The following CPAMD8 variants were observed in gnomAD, a reference collection of about 807,000 sequenced individuals.
CPAMD8 encodes C3 and PZP-like alpha-2-macroglobulin domain-containing protein 8.
CPAMD8 carries 146 observed loss-of-function variants against 224.7 expected under a neutral mutation model. That is an observed-to-expected ratio of 0.65 (90% CI 0.57 to 0.75). CPAMD8 has a LOEUF of 0.75. CPAMD8 is among the 30% of genes least tolerant of loss of function. The probability of loss-of-function intolerance (pLI) is 0.00; values close to 1 mark genes in which losing one functional copy is unlikely to be tolerated. For missense variants in CPAMD8, 2,301 were observed against 2,537.5 expected (o/e 0.91, Z 2.00); for synonymous variants, 966 against 1,044.6 (o/e 0.92, Z 1.45).
chr19:16,911,633 C>T (rs2052732079), intron 29 of CPAMD8, among the ~76,000 whole-genome samples: 2 of 152,174 alleles, frequency 1.3e-5, no homozygotes, highest in African/African-American at 4.8e-5. Context: ...GCAAGCTCTG[C>T]CTCCCAGGTT....
chr19:17,023,987 T>C (rs2057019641), intron 1 of CPAMD8, among the ~76,000 whole-genome samples: 1 of 152,162 alleles, frequency 6.6e-6, no homozygotes, highest in South Asian at 2.1e-4. Context: ...GTAACAGATC[T>C]AAATTGAAGA....
At chr19:16,983,123 C>T (rs568781436) in intron 13 of CPAMD8, among the ~76,000 whole-genome samples, 1 of 152,282 alleles carries the variant, frequency 6.6e-6, no homozygotes, top group East Asian at 1.9e-4. Flanking sequence ...CTTTTTCTGG[C>T]TGGGCATGGT....
At chr19:16,995,511 G>A (rs193231404) in intron 11 of CPAMD8, among the ~76,000 whole-genome samples, 114 of 152,158 alleles carry the variant, frequency 7.5e-4, no homozygotes, top group African/African-American at 2.6e-3. Context: ...AGCAATTATC[G>A]TGCCTCAGCC....
At chr19:16,914,278 T>G in intron 29 of CPAMD8, 146 bp downstream of exon 29, 3 of 644,184 alleles carry the variant, frequency 4.7e-6, no homozygotes, top group Admixed American at 2.6e-5. Flanking sequence ...AATGTGACCA[T>G]TGTTGATGAA....
rs1422043446 is a variant in CPAMD8, at chr19:16,901,198, G to A, written c.4773+12C>T. On this transcript the variant is annotated intron_variant, in intron 36 of 41. Coordinates refer to ENST00000443236, the MANE Select transcript of CPAMD8 (RefSeq NM_015692.5). ...GATCCCTGCCCACCGCTGCTCACCGGCGCTGCCTCACCTGCTCCAGGCTCT... is the reference window on the plus strand; with the variant it reads ...GATCCCTGCCCACCGCTGCTCACCGACGCTGCCTCACCTGCTCCAGGCTCT... The A allele has an allele frequency of 6.3e-7, 1 of 1,593,312 alleles. No homozygotes were observed. Among genetic ancestry groups the A allele is most frequent in the Admixed American group, 1.8e-5 (1 of 57,032 alleles).
At chr19:16,913,905 C>T (rs1190149961) in intron 29 of CPAMD8, among the ~76,000 whole-genome samples, 2 of 152,134 alleles carry the variant, frequency 1.3e-5, no homozygotes, top group African/African-American at 4.8e-5. Context: ...GAAGCCTTCT[C>T]TGCAGAGACT....
rs373265430 is a variant in CPAMD8, at chr19:16,947,138, G to A, written c.2598C>T (p.Pro866=). 5.3e-5 allele frequency: 86 copies of A among 1,612,916 alleles called. No individual in the cohort carries two copies. Among genetic ancestry groups the A allele is most frequent in the Non-Finnish European group, 6.4e-5 (76 of 1,179,456 alleles). ...CGACCCAGATGGGCTCAGCCTCCCCGGGGGCCACACACATCTTCTTGGTCA... is the reference window on the plus strand; with the variant it reads ...CGACCCAGATGGGCTCAGCCTCCCCAGGGGCCACACACATCTTCTTGGTCA... ...RHVTKKMCVA[P]GEAEPIWVVL... Residue 866 remains proline, a synonymous_variant, in exon 21 of 42, where the codon CCC becomes CCT. Coordinates refer to ENST00000443236, the MANE Select transcript of CPAMD8 (RefSeq NM_015692.5).
chr19:16,946,974 C>T (rs1409559803), intron 21 of CPAMD8, 100 bp downstream of exon 21: 16 of 1,281,612 alleles, frequency 1.2e-5, no homozygotes, highest in Admixed American at 2.3e-5. Context: ...CCTGACCTTA[C>T]CTGCTGCCCC....
intron 20 of CPAMD8, among the ~76,000 whole-genome samples, chr19:16,950,022 G>C (rs1439535369): frequency 1.3e-5 from 2 of 152,198 alleles, no homozygotes; most frequent in Non-Finnish European, 2.9e-5. Flanking sequence ...AGGTGGCCAG[G>C]CGTGGTGGCT....
At chr19:16,955,005 G>A (rs369238127) in intron 19 of CPAMD8, among the ~76,000 whole-genome samples, 7 of 152,228 alleles carry the variant, frequency 4.6e-5, no homozygotes, top group African/African-American at 1.7e-4. Flanking sequence ...GTGGGCGGCT[G>A]TGGTCCCAGC....
intron 21 of CPAMD8, among the ~76,000 whole-genome samples, chr19:16,946,065 G>C (rs1221212693): frequency 1.3e-5 from 2 of 151,974 alleles, no homozygotes; most frequent in Non-Finnish European, 2.9e-5. Flanking sequence ...TTCCATGTTT[G>C]TGTGTACAAG....
intron 30 of CPAMD8, among the ~76,000 whole-genome samples, chr19:16,906,304 T>C (rs116285620): frequency 0.023 from 2,834 of 125,154 alleles, 45 homozygotes; most frequent in Non-Finnish European, 0.03. Context: ...TCCCTCCCTC[T>C]CTCTCTTCTC....
intron 19 of CPAMD8, among the ~76,000 whole-genome samples, chr19:16,952,641 C>A (rs933316776): frequency 1.3e-5 from 2 of 152,138 alleles, no homozygotes; most frequent in African/African-American, 4.8e-5. Context: ...CCCGCCACTG[C>A]AGTCCAGCCT....
chr19:16,974,335 C>T (rs1285136962), intron 17 of CPAMD8, among the ~76,000 whole-genome samples: 1 of 151,888 alleles, frequency 6.6e-6, no homozygotes, highest in Non-Finnish European at 1.5e-5. Flanking sequence ...GCTCATGCCT[C>T]TAATCCCAGC....
At chr19:16,967,942 C>CACACATGTGTGTGTGTATATATGTGCAT in intron 18 of CPAMD8, among the ~76,000 whole-genome samples, 1 of 62,994 alleles carries the variant, frequency 1.6e-5, no homozygotes, top group East Asian at 1.7e-3. Context: ...TATATATATA[C>CACACATGTGTGTGTGTATATATGTGCAT]ATGTTGCTCT....
intron 27 of CPAMD8, among the ~76,000 whole-genome samples, chr19:16,919,466 C>T (rs2053087733): frequency 6.6e-6 from 1 of 152,220 alleles, no homozygotes; most frequent in Non-Finnish European, 1.5e-5. Flanking sequence ...CCAGTAGAGC[C>T]TTCAGATGAA....
At chr19:17,002,404 A>G in intron 8 of CPAMD8, 54 bp from the exon 9 acceptor site, 1 of 1,284,694 alleles carries the variant, frequency 7.8e-7, no homozygotes, top group Non-Finnish European at 1.1e-6. Context: ...AGGTGGCCTC[A>G]GGAGCCCTGA....
intron 29 of CPAMD8, among the ~76,000 whole-genome samples, chr19:16,909,846 C>G (rs976061882): frequency 6.6e-6 from 1 of 152,092 alleles, no homozygotes; most frequent in Non-Finnish European, 1.5e-5. Context: ...CACTGCTGAT[C>G]GGCACGGGAG....
At chr19:16,960,211 C>CAA (rs113199607) in intron 18 of CPAMD8, among the ~76,000 whole-genome samples, 2,948 of 135,300 alleles carry the variant, frequency 0.022, 101 homozygotes, top group African/African-American at 0.072. Flanking sequence ...TCTCCTTTCT[C>CAA]AAAAAAAAAA....
Sources: allele counts gnomAD v4.1 joint callset (sites outside exome capture counted in the v4.1 genomes callset), GRCh38; gene constraint gnomAD v4.1.1; transcripts MANE v1.5; gene names NCBI Gene and HGNC (gene_info 2026-07-23, HGNC 2026-07-21).